Variants in UST observed in about 807,000 individuals in gnomAD.
UST encodes the protein uronyl 2-sulfotransferase.
Under a neutral mutation model 45.6 loss-of-function variants are expected in UST, and 21 were observed. That is an observed-to-expected ratio of 0.46 (90% confidence interval 0.33 to 0.66). The LOEUF (loss-of-function observed/expected upper bound fraction) is 0.66, where lower values mean the gene tolerates loss of function less well. Among genes scored for constraint, UST ranks in the 30% least tolerant of loss-of-function variants. UST has a pLI of 0.02. For synonymous variants in UST, 215 were observed against 200.6 expected, an observed-to-expected ratio of 1.07 and a Z score of -0.61; for missense variants, 463 against 512.4, an observed-to-expected ratio of 0.90 and a Z score of 0.93.
chr6:148,778,579 C>A (rs1255462539), intron 1 of UST, among the ~76,000 whole-genome samples: 2 of 152,198 alleles, frequency 1.3e-5, no homozygotes, highest in East Asian at 3.9e-4. Context: ...GACCCCTCCT[C>A]CCAGGCCACG....
intron 1 of UST, among the ~76,000 whole-genome samples, chr6:148,881,239 A>G (rs1189607251): frequency 1.3e-5 from 2 of 152,128 alleles, no homozygotes; most frequent in East Asian, 3.9e-4. Flanking sequence ...TAAGAGGTTA[A>G]GCTCTATGGC....
intron 7 of UST, among the ~76,000 whole-genome samples, chr6:149,046,757 G>A (rs1367407204): frequency 1.3e-5 from 2 of 152,212 alleles, no homozygotes; most frequent in Admixed American, 1.3e-4. Context: ...TCTGCAATAG[G>A]GCAGGGTTTT....
intron 2 of UST, among the ~76,000 whole-genome samples, chr6:148,914,850 A>G (rs928643552): frequency 6.6e-6 from 1 of 152,228 alleles, no homozygotes; most frequent in Non-Finnish European, 1.5e-5. Flanking sequence ...TACATGTAAT[A>G]TAAAAGATTA....
At chr6:148,830,898 C>T (rs1016955764) in intron 1 of UST, among the ~76,000 whole-genome samples, 1 of 152,062 alleles carries the variant, frequency 6.6e-6, no homozygotes, top group Admixed American at 6.5e-5. Context: ...GACTGCACAA[C>T]ATTGTGAATG....
intron 1 of UST, among the ~76,000 whole-genome samples, chr6:148,856,453 G>A (rs761109539): frequency 7.9e-5 from 12 of 152,152 alleles, no homozygotes; most frequent in Non-Finnish European, 1.2e-4. Context: ...ATCAAAGTAC[G>A]CATCTACTAA....
At chr6:148,819,052 A>G (rs1413129825) in intron 1 of UST, among the ~76,000 whole-genome samples, 2 of 152,178 alleles carry the variant, frequency 1.3e-5, no homozygotes, top group African/African-American at 4.8e-5. Flanking sequence ...TACTCATTGA[A>G]TTTTCACTTT....
chr6:148,863,603 T>C (rs1778362265), intron 1 of UST, among the ~76,000 whole-genome samples: 1 of 152,222 alleles, frequency 6.6e-6, no homozygotes, highest in Non-Finnish European at 1.5e-5. Context: ...ATTTTTGGCT[T>C]TTCTGCTCTG....
At chr6:148,860,321 C>T (rs1415102547) in intron 1 of UST, among the ~76,000 whole-genome samples, 2 of 152,148 alleles carry the variant, frequency 1.3e-5, no homozygotes, top group Non-Finnish European at 2.9e-5. Flanking sequence ...TATAGGAATG[C>T]TTGTGATTTT....
At chr6:149,048,861 G>A (rs1328718880) in intron 7 of UST, among the ~76,000 whole-genome samples, 1 of 152,200 alleles carries the variant, frequency 6.6e-6, no homozygotes, top group Non-Finnish European at 1.5e-5. Context: ...ACACTGAGCA[G>A]TCGTGGAGTC....
At chr6:148,863,084 CAG>C (rs1443228408) in intron 1 of UST, among the ~76,000 whole-genome samples, 1 of 152,180 alleles carries the variant, frequency 6.6e-6, no homozygotes, top group Non-Finnish European at 1.5e-5. Flanking sequence ...TAATATCCTG[CAG>C]AGTGTTTTCC....
intron 1 of UST, among the ~76,000 whole-genome samples, chr6:148,829,693 G>A (rs529833949): frequency 1.2e-3 from 178 of 152,188 alleles, no homozygotes; most frequent in South Asian, 7.1e-3. Context: ...TGTTTGGAAT[G>A]GTTGGGGGTT....
intron 1 of UST, among the ~76,000 whole-genome samples, chr6:148,754,122 G>A (rs561610719): frequency 1.3e-5 from 2 of 151,798 alleles, no homozygotes; most frequent in Non-Finnish European, 2.9e-5. Flanking sequence ...AGCCTCCCAA[G>A]TAGCTGGGAC....
chr6:148,760,664 ATATT>A (rs1776198680), intron 1 of UST, among the ~76,000 whole-genome samples: 1 of 152,064 alleles, frequency 6.6e-6, no homozygotes, highest in Non-Finnish European at 1.5e-5. Flanking sequence ...AAAAAAAACT[ATATT>A]AAAGTGAAAG....
chr6:148,789,453 T>A (rs11968489), intron 1 of UST, among the ~76,000 whole-genome samples: 32,173 of 133,540 alleles, frequency 0.24, 4,090 homozygotes, highest in Non-Finnish European at 0.32. Flanking sequence ...TCTCTCTCTC[T>A]CACACACACA....
intron 7 of UST, among the ~76,000 whole-genome samples, chr6:149,054,581 G>A (rs777179381): frequency 2.6e-5 from 4 of 152,072 alleles, no homozygotes; most frequent in African/African-American, 7.2e-5. Context: ...TGCTATTGTC[G>A]GGGGGCAGGC....
intron 7 of UST, among the ~76,000 whole-genome samples, chr6:149,034,400 CCG>C (rs1776197906): frequency 6.7e-6 from 1 of 150,236 alleles, no homozygotes; most frequent in Non-Finnish European, 1.5e-5. Context: ...CCCTCCCTTC[CCG>C]CAGAGGCCCT....
chr6:148,824,085 G>A (rs1777521527), intron 1 of UST, among the ~76,000 whole-genome samples: 1 of 152,198 alleles, frequency 6.6e-6, no homozygotes, highest in Non-Finnish European at 1.5e-5. Context: ...TATAGTTAAT[G>A]TTCTGAGAAT....
chr6:148,814,543 G>A (rs1347246963), intron 1 of UST, among the ~76,000 whole-genome samples: 8 of 151,938 alleles, frequency 5.3e-5, no homozygotes, highest in African/African-American at 7.3e-5. Flanking sequence ...TATGACACCC[G>A]ATGCCTGAAC....
In UST at chr6:148,830,774, A is replaced by G. The variant is rs552148239; in HGVS notation, c.248-56212A>G. Among the ~76,000 whole-genome samples, 16 of 152,310 alleles carry G rather than the reference A, an allele frequency of 1.1e-4. No individual in the cohort carries two copies. The South Asian group carries it at 3.3e-3, about 32-fold the overall frequency. On this transcript the variant is annotated intron_variant, in intron 1 of 7. Coordinates refer to ENST00000367463, the MANE Select transcript of UST (RefSeq NM_005715.3). Reference sequence around the variant, plus strand: ...GAGTAGTCAAATTCATAGAAACGAAAATAAAATGGTGGTTGCCAGAGACAG... The same window carrying G: ...GAGTAGTCAAATTCATAGAAACGAAGATAAAATGGTGGTTGCCAGAGACAG...
Sources: gnomAD v4.1 joint callset for allele counts (sites outside exome capture counted in the v4.1 genomes callset) on GRCh38, gnomAD v4.1.1 for gene constraint, MANE v1.5 for transcripts, NCBI Gene and HGNC (gene_info 2026-07-23, HGNC 2026-07-21) for gene names.